Variants in PCDH7 observed in about 807,000 individuals in gnomAD.
PCDH7 encodes the protein protocadherin 7.
A neutral mutation model predicts 58.9 loss-of-function variants in PCDH7; 17 were observed. That is an observed-to-expected ratio of 0.29 (90% confidence interval 0.20 to 0.43). The LOEUF is 0.43. Among genes scored for constraint, PCDH7 ranks in the 20% least tolerant of loss-of-function variants. The pLI is 1.00. For missense variants in PCDH7, 1,274 were observed against 1,441.0 expected (o/e 0.88, Z 1.88); for synonymous variants, 664 against 616.4 (o/e 1.08, Z -1.14).
At chr4:30,757,659 C>T (rs752100424) in intron 1 of PCDH7, among the ~76,000 whole-genome samples, 2 of 152,206 alleles carry the variant, frequency 1.3e-5, no homozygotes, top group Non-Finnish European at 2.9e-5. Flanking sequence ...TTCCCTGCCT[C>T]CCACGCCAAA....
downstream of PCDH7, among the ~76,000 whole-genome samples, chr4:30,734,255 C>G (rs1715928912): frequency 5.4e-5 from 8 of 147,452 alleles, no homozygotes; most frequent in South Asian, 1.5e-3. Flanking sequence ...TTTTTTGAGA[C>G]ATAGTCTGGC....
At chr4:30,992,009 G>A (rs1018505239) in intron 3 of PCDH7, among the ~76,000 whole-genome samples, 3 of 152,128 alleles carry the variant, frequency 2.0e-5, no homozygotes, top group Non-Finnish European at 4.4e-5. Flanking sequence ...ACAGATGAAT[G>A]ATCAAGTCCT....
intron 3 of PCDH7, among the ~76,000 whole-genome samples, chr4:31,013,511 A>G (rs1753365134): frequency 6.6e-6 from 1 of 150,592 alleles, no homozygotes; most frequent in South Asian, 2.1e-4. Context: ...TTATGTATGT[A>G]TATATACATA....
chr4:31,084,733 G>A (rs1267384478), intron 3 of PCDH7, among the ~76,000 whole-genome samples: 6 of 105,764 alleles, frequency 5.7e-5, no homozygotes, highest in East Asian at 7.9e-4. Flanking sequence ...GAAGAGGGGA[G>A]GGGAGGGGAT....
At chr4:30,907,231 G>A (rs1741064587) in intron 1 of PCDH7, among the ~76,000 whole-genome samples, 1 of 151,946 alleles carries the variant, frequency 6.6e-6, no homozygotes, top group Non-Finnish European at 1.5e-5. Flanking sequence ...GGGCTTCCTT[G>A]GCAACAAAAG....
intron 1 of PCDH7, among the ~76,000 whole-genome samples, chr4:30,903,001 T>G (rs1319832901): frequency 6.6e-6 from 1 of 152,094 alleles, no homozygotes; most frequent in Non-Finnish European, 1.5e-5. Flanking sequence ...AAAATTTAGG[T>G]TATATTATCA....
At chr4:31,035,399 G>A (rs746425135) in intron 3 of PCDH7, among the ~76,000 whole-genome samples, 1 of 151,916 alleles carries the variant, frequency 6.6e-6, no homozygotes, top group South Asian at 2.1e-4. Context: ...GATTATGGGC[G>A]TGTGCCACCA....
chr4:30,851,009 C>A (rs912569800), intron 1 of PCDH7, among the ~76,000 whole-genome samples: 1 of 151,900 alleles, frequency 6.6e-6, no homozygotes, highest in Admixed American at 6.6e-5. Context: ...GGAAGCCAAG[C>A]GATTGTTCTC....
At chr4:30,938,094 A>G (rs1745571988) in intron 2 of PCDH7, among the ~76,000 whole-genome samples, 2 of 152,162 alleles carry the variant, frequency 1.3e-5, no homozygotes, top group Non-Finnish European at 2.9e-5. Flanking sequence ...GCAATAGGGG[A>G]AAAAAAGAAC....
chr4:31,043,507 T>C (rs1756050454), intron 3 of PCDH7, among the ~76,000 whole-genome samples: 1 of 152,154 alleles, frequency 6.6e-6, no homozygotes, highest in Admixed American at 6.6e-5. Context: ...CTGATTGTGG[T>C]TTTGATTTGT....
At chr4:30,825,087 T>C (rs1288094987) in intron 1 of PCDH7, among the ~76,000 whole-genome samples, 1 of 152,118 alleles carries the variant, frequency 6.6e-6, no homozygotes, top group East Asian at 1.9e-4. Context: ...ATTTTAAGGT[T>C]CCTGTTTTAG....
chr4:31,087,877 AG>A (rs1376309078), intron 3 of PCDH7, among the ~76,000 whole-genome samples: 1 of 152,092 alleles, frequency 6.6e-6, no homozygotes, highest in Non-Finnish European at 1.5e-5. Flanking sequence ...GTGCTCAATA[AG>A]TAGTTAAGGG....
intron 2 of PCDH7, among the ~76,000 whole-genome samples, chr4:30,926,590 C>G (rs934712030): frequency 4.6e-5 from 7 of 152,188 alleles, no homozygotes; most frequent in African/African-American, 1.7e-4. Context: ...AAATTATATT[C>G]TCACCTTAAA....
chr4:30,756,422 T>C (rs1259672049), intron 1 of PCDH7, among the ~76,000 whole-genome samples: 1 of 152,140 alleles, frequency 6.6e-6, no homozygotes, highest in South Asian at 2.1e-4. Flanking sequence ...ATGAGGAAAC[T>C]GAGACAAATA....
intron 3 of PCDH7, among the ~76,000 whole-genome samples, chr4:31,066,921 C>A (rs1418939782): frequency 6.6e-6 from 1 of 151,750 alleles, no homozygotes; most frequent in African/African-American, 2.4e-5. Flanking sequence ...TGCCTAAAGA[C>A]AATGCAAGAT....
intron 2 of PCDH7, among the ~76,000 whole-genome samples, chr4:30,921,058 T>C (rs1026662892): frequency 6.6e-6 from 1 of 152,212 alleles, no homozygotes; most frequent in Non-Finnish European, 1.5e-5. Flanking sequence ...CATTTTCTTT[T>C]AAGTTATACA....
chr4:30,735,860 T>C (rs192812264), downstream of PCDH7, among the ~76,000 whole-genome samples: 16 of 152,146 alleles, frequency 1.1e-4, no homozygotes, highest in African/African-American at 3.6e-4. Context: ...GATTGCAAGA[T>C]TCGTGTGAAA....
intron 1 of PCDH7, among the ~76,000 whole-genome samples, chr4:30,782,263 GCTGT>G (rs1365211492): frequency 2.0e-5 from 3 of 151,922 alleles, no homozygotes; most frequent in South Asian, 2.1e-4. Context: ...TGATAACTTT[GCTGT>G]CTATTTTAAA....
intron 1 of PCDH7, among the ~76,000 whole-genome samples, chr4:30,766,946 A>G (rs1299284479): frequency 1.3e-5 from 2 of 152,200 alleles, no homozygotes; most frequent in Non-Finnish European, 2.9e-5. Flanking sequence ...AGATGGGCTT[A>G]CAGTTGTGAA....
Sources: gnomAD v4.1 joint callset for allele counts (sites outside exome capture counted in the v4.1 genomes callset) on GRCh38, gnomAD v4.1.1 for gene constraint, MANE v1.5 for transcripts, NCBI Gene and HGNC (gene_info 2026-07-23, HGNC 2026-07-21) for gene names.